NAV2: variants seen among roughly 807,000 people sequenced by gnomAD.
NAV2 encodes neuron navigator 2.
In NAV2, 54 loss-of-function variants were observed where a neutral mutation model predicts 223.2. The ratio of observed to expected loss-of-function variants is 0.24; its 90% CI spans 0.19 to 0.30. NAV2 has a LOEUF of 0.30. Ranked by LOEUF, NAV2 falls within the 10% of genes least tolerant of loss-of-function variation. The pLI is 1.00. For synonymous variants in NAV2, 1,279 were observed against 1,239.3 expected, an observed-to-expected ratio of 1.03 and a Z score of -0.67; for missense variants, 2,806 against 3,147.5, an observed-to-expected ratio of 0.89 and a Z score of 2.60.
chr11:20,065,738 G>C (rs908080133), intron 20 of NAV2, among the ~76,000 whole-genome samples: 6 of 152,240 alleles, frequency 3.9e-5, no homozygotes, highest in African/African-American at 1.4e-4. Context: ...GGCTGTTAGG[G>C]CCTGTCGATA....
chr11:20,049,259 C>G (rs2153598423), intron 15 of NAV2, 64 bp downstream of exon 15: 1 of 1,206,212 alleles, frequency 8.3e-7, no homozygotes, highest in East Asian at 2.3e-5. Context: ...AAAAGATTAG[C>G]TTAGGAATCC....
chr11:20,098,150 T>C (rs1201731949), intron 31 of NAV2, among the ~76,000 whole-genome samples: 4 of 152,166 alleles, frequency 2.6e-5, no homozygotes, highest in African/African-American at 9.7e-5. Context: ...CTGATGAAAC[T>C]GCTGAAGCTT....
chr11:19,496,934 G>A lies in NAV2; in HGVS notation c.75+145907G>A, dbSNP rs117546377. Among the ~76,000 whole-genome samples, 750 of 152,254 alleles carry A rather than the reference G, an allele frequency of 4.9e-3. 11 individuals are homozygous for A. Among genetic ancestry groups the A allele is most frequent in the East Asian group, 0.017 (87 of 5,182 alleles). ...ACAAGGGAATGGCATTGAGTTCATC[G>A]AGACCTGGGGTTACCCTGGACTTTT... On this transcript the variant is annotated intron_variant, in intron 1 of 37. Coordinates refer to the NAV2 transcript ENST00000360655.
rs78806867 is a variant in NAV2, at chr11:20,048,803, C to T, written c.3978C>T (p.Ser1326=). ...AENMKNSVVI[S]NPHATMTQQG... ...ACATGAAAAATTCGGTGGTCATCTC[C>T]AATCCTCATGCCACCATGACTCAGC... Residue 1326 remains serine (S), a synonymous_variant, in exon 15 of 38, where the codon TCC becomes TCT. Transcript: ENST00000349880. The T allele has an allele frequency of 2.4e-3, 3,950 of 1,614,086 alleles. 85 individuals carry two copies. The African/African-American group carries it at 0.041, about 17-fold the overall frequency.
chr11:19,479,609 T>C (rs553094825), intron 1 of NAV2, among the ~76,000 whole-genome samples: 1 of 152,346 alleles, frequency 6.6e-6, no homozygotes, highest in South Asian at 2.1e-4. Context: ...ACTAAGCTCC[T>C]GCCTCTATGT....
chr11:19,398,473 C>G (rs576016994), intron 1 of NAV2, among the ~76,000 whole-genome samples: 6 of 152,272 alleles, frequency 3.9e-5, no homozygotes, highest in Admixed American at 2.0e-4. Flanking sequence ...ATTGGCCTGT[C>G]TCTGTCCCTT....
intron 1 of NAV2, among the ~76,000 whole-genome samples, chr11:19,679,092 T>A (rs572955554): frequency 5.9e-5 from 9 of 152,334 alleles, no homozygotes; most frequent in African/African-American, 2.2e-4. Context: ...CACATAGAGC[T>A]ATATGGAGAA....
At chr11:19,854,024 G>C (rs1355311905) in intron 3 of NAV2, among the ~76,000 whole-genome samples, 1 of 152,186 alleles carries the variant, frequency 6.6e-6, no homozygotes, top group Non-Finnish European at 1.5e-5. Context: ...GAGGCTGACC[G>C]AGGTTGGGGC....
chr11:19,770,149 C>T (rs2055590741), intron 1 of NAV2, among the ~76,000 whole-genome samples: 1 of 152,184 alleles, frequency 6.6e-6, no homozygotes, highest in Non-Finnish European at 1.5e-5. Flanking sequence ...AAAACCAGAA[C>T]AGAGGGCAAA....
intron 10 of NAV2, among the ~76,000 whole-genome samples, 180 bp downstream of exon 10, chr11:19,949,260 G>C (rs1363190952): frequency 6.6e-6 from 1 of 152,200 alleles, no homozygotes; most frequent in African/African-American, 2.4e-5. Context: ...GAGTCTGAAG[G>C]CCTGGGTAGT....
intron 12 of NAV2, among the ~76,000 whole-genome samples, chr11:20,043,505 G>A (rs920513954): frequency 6.6e-6 from 1 of 152,064 alleles, no homozygotes; most frequent in African/African-American, 2.4e-5. Context: ...GAGTACAGTG[G>A]TGCGGTCACG....
intron 1 of NAV2, among the ~76,000 whole-genome samples, chr11:19,413,889 C>A (rs761102339): frequency 6.6e-6 from 1 of 152,120 alleles, no homozygotes; most frequent in Admixed American, 6.5e-5. Flanking sequence ...TTTACCACCA[C>A]CAGGCCTGCT....
intron 1 of NAV2, among the ~76,000 whole-genome samples, chr11:19,408,138 A>G (rs895097601): frequency 1.6e-4 from 25 of 152,182 alleles, no homozygotes; most frequent in African/African-American, 5.6e-4. Context: ...GCCTCATCAC[A>G]AATGGCTTTC....
upstream of NAV2, among the ~76,000 whole-genome samples, chr11:19,349,602 A>G (rs1355450341): frequency 6.6e-6 from 1 of 152,132 alleles, no homozygotes; most frequent in African/African-American, 2.4e-5. Context: ...TGCTGGCAAG[A>G]CTAGTGCCTT....
rs191042852 is a variant in NAV2 at position 19,780,530 on chromosome 11, C to T, written c.268-51954C>T. On this transcript the variant is annotated intron_variant, in intron 1 of 37. Coordinates refer to ENST00000349880, the MANE Select transcript of NAV2 (RefSeq NM_145117.5). ...CCCCCTGGCAGCCTGTGCTAATGCA[C>T]GGAGTGCAGGTAGTCCAGTCAGAAA... is the stretch of plus-strand genomic sequence containing the variant. Among the ~76,000 whole-genome samples the T allele has an allele frequency of 4.6e-5, 7 of 152,376 alleles. No homozygotes were observed. In the South Asian group the frequency reaches 1.0e-3, roughly 23 times the overall value.
intron 10 of NAV2, among the ~76,000 whole-genome samples, chr11:19,955,878 G>A (rs926898780): frequency 2.0e-5 from 3 of 152,162 alleles, no homozygotes; most frequent in South Asian, 2.1e-4. Flanking sequence ...ACAGCCTAAC[G>A]CACCCTGGAG....
intron 6 of NAV2, among the ~76,000 whole-genome samples, chr11:19,898,794 C>T (rs1422383533): frequency 6.6e-6 from 1 of 152,204 alleles, no homozygotes; most frequent in Admixed American, 6.5e-5. Context: ...GGGCTACTTT[C>T]TCTACATACT....
chr11:19,528,864 A>C (rs2043932164), intron 1 of NAV2, among the ~76,000 whole-genome samples: 1 of 137,726 alleles, frequency 7.3e-6, no homozygotes, highest in African/African-American at 2.7e-5. Flanking sequence ...CGGGAGGTGG[A>C]GTTTGCAGTT....
At chr11:19,531,977 A>G (rs924287657) in intron 1 of NAV2, among the ~76,000 whole-genome samples, 1 of 152,222 alleles carries the variant, frequency 6.6e-6, no homozygotes, top group Non-Finnish European at 1.5e-5. Flanking sequence ...AGAGTTGAGG[A>G]AATCACCAAG....
Sources: allele counts gnomAD v4.1 joint callset (sites outside exome capture counted in the v4.1 genomes callset), GRCh38; gene constraint gnomAD v4.1.1; transcripts MANE v1.5; gene names NCBI Gene and HGNC (gene_info 2026-07-23, HGNC 2026-07-21).